TGM4: variants seen among roughly 807,000 people sequenced by gnomAD.
The protein encoded by TGM4 is transglutaminase 4.
A neutral mutation model predicts 76.3 loss-of-function variants in TGM4; 61 were observed. That is an observed-to-expected ratio of 0.80 (90% CI 0.65 to 0.99). The LOEUF (loss-of-function observed/expected upper bound fraction) is 0.99, where lower values mean the gene tolerates loss of function less well. TGM4 is among the 50% of genes least tolerant of loss of function. TGM4 has a pLI of 0.00. For synonymous variants in TGM4, 337 were observed against 329.8 expected (o/e 1.02, Z -0.24); for missense variants, 794 against 843.2 (o/e 0.94, Z 0.72).
In TGM4 at chr3:44,907,042, A is replaced by G; in HGVS notation, c.1169A>G (p.Asn390Ser). The G allele has an allele frequency of 3.7e-6, 6 of 1,614,186 alleles. No homozygotes were observed. The highest frequency in any genetic ancestry group is 1.3e-5 in the African/African-American group (1 of 75,038). The change falls in exon 10 of 14, where the codon AAT becomes AGT. Residue 390 changes from asparagine to serine, a missense_variant. By Grantham distance (46) the Asn-to-Ser change is conservative. Transcript: ENST00000296125. ...ACCAGATTCGTCTTCTCAGAAGTGAATGGTGACAGGCTCATCTGGTTGGTG... is the reference window on the plus strand; with the variant it reads ...ACCAGATTCGTCTTCTCAGAAGTGAGTGGTGACAGGCTCATCTGGTTGGTG... ...YDTRFVFSEV[N>S]GDRLIWLVKM...
At chr3:44,886,564 G>A (rs1395543337) in intron 2 of TGM4, among the ~76,000 whole-genome samples, 1 of 152,154 alleles carries the variant, frequency 6.6e-6, no homozygotes, top group African/African-American at 2.4e-5. Flanking sequence ...GCATGGACTG[G>A]GACCGTGCTG....
At chr3:44,883,799 G>A (rs376989149) in intron 1 of TGM4, among the ~76,000 whole-genome samples, 1 of 152,168 alleles carries the variant, frequency 6.6e-6, no homozygotes, top group Non-Finnish European at 1.5e-5. Flanking sequence ...ATCACTGGCC[G>A]CATCCCCAAG....
chr3:44,890,840 AC>A, intron 4 of TGM4, 108 bp downstream of exon 4: 1 of 1,414,690 alleles, frequency 7.1e-7, no homozygotes, highest in South Asian at 1.4e-5. Context: ...GTACTTGCAA[AC>A]TAGTTTAAGG....
intron 9 of TGM4, among the ~76,000 whole-genome samples, chr3:44,904,272 C>A (rs988245116): frequency 2.6e-5 from 4 of 152,160 alleles, no homozygotes; most frequent in Non-Finnish European, 5.9e-5. Flanking sequence ...CTACATGATC[C>A]ATTTTACTCA....
At position 44,910,179 on chromosome 3, in the gene TGM4, C is replaced by A. The variant is rs765981287; in HGVS notation, c.1417C>A (p.Leu473Ile). 2 of 1,614,198 alleles carry A rather than the reference C, an allele frequency of 1.2e-6. No individual in the cohort carries two copies. Among genetic ancestry groups the A allele is most frequent in the South Asian group, 2.2e-5 (2 of 91,086 alleles). Residue 473 changes from leucine (L) to isoleucine (I), a missense_variant, in exon 11 of 14, where the codon CTT becomes ATT. Coordinates refer to ENST00000296125, the MANE Select transcript of TGM4 (RefSeq NM_003241.4). ...CAGACGACCTGTAAAAGAGAACTTTCTTCACATGTCGGTACAATCAGATGA... is the reference window on the plus strand; with the variant it reads ...CAGACGACCTGTAAAAGAGAACTTTATTCACATGTCGGTACAATCAGATGA... ...EHRRPVKENF[L>I]HMSVQSDDVL...
At chr3:44,886,411 C>T (rs143112985) in intron 2 of TGM4, among the ~76,000 whole-genome samples, 1 of 152,270 alleles carries the variant, frequency 6.6e-6, no homozygotes, top group East Asian at 1.9e-4. Flanking sequence ...GAGAGCGCTC[C>T]TTTTGCTCCT....
intron 10 of TGM4, among the ~76,000 whole-genome samples, chr3:44,908,375 T>G (rs191997852): frequency 9.5e-4 from 129 of 135,826 alleles, no homozygotes; most frequent in African/African-American, 4.3e-3. Flanking sequence ...GTCAGGAGTG[T>G]TTTTTTTTGT....
chr3:44,888,868 G>A (rs1699649175), intron 3 of TGM4: 1 of 152,018 alleles, frequency 6.6e-6, no homozygotes, highest in Non-Finnish European at 1.5e-5. Flanking sequence ...AGAGGGGTAT[G>A]GGGAGTTAGC....
intron 1 of TGM4, among the ~76,000 whole-genome samples, chr3:44,879,263 C>CTATA (rs1392219843): frequency 0.04 from 3,812 of 95,840 alleles, 65 homozygotes; most frequent in Non-Finnish European, 0.063. Context: ...CTCTCTCTCT[C>CTATA]TCTATATATA....
intron 10 of TGM4, among the ~76,000 whole-genome samples, chr3:44,909,296 G>C (rs1699968322): frequency 6.6e-6 from 1 of 152,170 alleles, no homozygotes; most frequent in Non-Finnish European, 1.5e-5. Flanking sequence ...TAGATTTCCA[G>C]GAATCTGTCT....
intron 9 of TGM4, among the ~76,000 whole-genome samples, chr3:44,906,249 A>G (rs1221980142): frequency 6.6e-6 from 1 of 152,206 alleles, no homozygotes; most frequent in Non-Finnish European, 1.5e-5. Flanking sequence ...AGAAAGCCCA[A>G]TGCCCAGAAT....
rs747907243 is a variant in TGM4, at chr3:44,910,301, G to GT, written c.1541dup (p.Leu514PhefsTer12). On this transcript the variant is annotated frameshift_variant, in exon 11 of 14. Coordinates refer to ENST00000296125, the MANE Select transcript of TGM4 (RefSeq NM_003241.4). LOFTEE classifies it high-confidence loss of function. Reference sequence around the variant, plus strand: ...ACATCTTGGGCTCCTTTGAACTACAGTTGTACACTGGCAAGAAGATGGCAA... The same window carrying GT: ...ACATCTTGGGCTCCTTTGAACTACAGTTTGTACACTGGCAAGAAGATGGCAA... 73 of 1,614,086 alleles carry GT rather than the reference G, an allele frequency of 4.5e-5. No homozygotes were observed. Among genetic ancestry groups the GT allele is most frequent in the Admixed American group, 1.5e-4 (9 of 60,004 alleles).
intron 1 of TGM4, among the ~76,000 whole-genome samples, chr3:44,878,449 TTTATTATTATTATTA>T (rs199498412): frequency 1.5e-4 from 11 of 75,470 alleles, no homozygotes; most frequent in South Asian, 5.7e-4. Flanking sequence ...TTACTTTTGT[TTTATTATTATTATTA>T]TTATTATTAT....
At chr3:44,902,384 C>CCT (rs1699866933) in intron 8 of TGM4, among the ~76,000 whole-genome samples, 1 of 152,176 alleles carries the variant, frequency 6.6e-6, no homozygotes, top group Admixed American at 6.5e-5. Context: ...GTGGGTGGAT[C>CCT]ACGAGGTCAG....
intron 9 of TGM4, among the ~76,000 whole-genome samples, chr3:44,904,754 T>C (rs1309725730): frequency 6.6e-6 from 1 of 152,178 alleles, no homozygotes; most frequent in East Asian, 1.9e-4. Flanking sequence ...TAATCTCGGT[T>C]CACTGCAACC....
At chr3:44,876,215 T>C (rs547634415) in intron 1 of TGM4, among the ~76,000 whole-genome samples, 2 of 152,356 alleles carry the variant, frequency 1.3e-5, no homozygotes, top group South Asian at 4.1e-4. Context: ...GGGCACAATT[T>C]GACTTTACTC....
intron 5 of TGM4, among the ~76,000 whole-genome samples, chr3:44,894,905 T>C (rs1699759500): frequency 1.3e-5 from 2 of 151,580 alleles, no homozygotes; most frequent in Non-Finnish European, 1.5e-5. Context: ...GGAAATGAAA[T>C]GGAAGGGAGT....
rs1054162264 is a variant in TGM4, at chr3:44,913,595, C to G, written c.1925C>G (p.Pro642Arg). ...TTTGAATTTTCCAGGACGGTGCAGC[C>G]TGGTGAGACCATCCAATCCCAAATA... ...LQTSDHGTVQPGETIQSQIKC... is the reference protein window; with the variant it reads ...LQTSDHGTVQRGETIQSQIKC... The change falls in exon 14 of 14, where the codon CCT becomes CGT. Residue 642 changes from proline (P) to arginine (R), a missense_variant. Coordinates refer to ENST00000296125, the MANE Select transcript of TGM4 (RefSeq NM_003241.4). 1.9e-6 allele frequency: 3 copies of G among 1,613,860 alleles called. No individual in the cohort carries two copies. The highest frequency in any genetic ancestry group is 2.7e-5 in the African/African-American group (2 of 75,010).
chr3:44,891,442 TATC>T (rs10531764), intron 4 of TGM4, among the ~76,000 whole-genome samples: 50,215 of 151,470 alleles, frequency 0.33, 9,311 homozygotes, highest in East Asian at 0.82. Flanking sequence ...CTATACCCTT[TATC>T]ATCCAGGCTC....
Sources: allele counts gnomAD v4.1 joint callset (sites outside exome capture counted in the v4.1 genomes callset), GRCh38; gene constraint gnomAD v4.1.1; transcripts MANE v1.5; gene names NCBI Gene and HGNC (gene_info 2026-07-23, HGNC 2026-07-21).